The following RPIA variants were observed in gnomAD, a reference collection of about 807,000 sequenced individuals.
RPIA encodes the protein ribose-5-phosphate isomerase.
Under a neutral mutation model 37.8 loss-of-function variants are expected in RPIA, and 29 were observed. The ratio of observed to expected loss-of-function variants is 0.77; its 90% CI spans 0.57 to 1.05. RPIA has a LOEUF of 1.05. Among genes scored for constraint, RPIA ranks in the 50% least tolerant of loss-of-function variants. The pLI, the probability that RPIA is intolerant of heterozygous loss-of-function variation, is 0.00. For missense variants in RPIA, 385 were observed against 413.6 expected (o/e 0.93, Z 0.60); for synonymous variants, 167 against 157.0 (o/e 1.06, Z -0.48).
chr2:88,747,332 G>A (rs1274074705), intron 8 of RPIA, among the ~76,000 whole-genome samples: 3 of 152,196 alleles, frequency 2.0e-5, no homozygotes, highest in Non-Finnish European at 2.9e-5. Context: ...CTGAGATCTT[G>A]CCCCAGACTA....
intron 4 of RPIA, 137 bp from the exon 5 acceptor site, chr2:88,734,415 T>G: frequency 1.2e-6 from 1 of 814,320 alleles, no homozygotes; most frequent in Non-Finnish European, 2.1e-6. Context: ...TGTAGCTCAA[T>G]TTCTTGATTT....
In RPIA at chr2:88,735,793, C is replaced by T. The variant is rs772486089; in HGVS notation, c.596+56C>T. ...GAGGAGGTAGATTGGATCCCCAAGC[C>T]GCATCCCCATTTTTGTGAAAGAGGA... On this transcript the variant is annotated intron_variant, in intron 6 of 8. Transcript: ENST00000283646. 113 of 1,528,772 alleles carry T rather than the reference C, an allele frequency of 7.4e-5. 1 individual carries two copies. In the Middle Eastern group the frequency reaches 1.2e-3, roughly 16 times the overall value. The allele number at this position is 1,528,772 out of a possible 1,614,324, so 94.7% of individuals were successfully genotyped here.
At chr2:88,713,626 C>A (rs550421376) in intron 3 of RPIA, among the ~76,000 whole-genome samples, 1 of 152,326 alleles carries the variant, frequency 6.6e-6, no homozygotes, top group Non-Finnish European at 1.5e-5. Flanking sequence ...GCTGGGACAG[C>A]TCATCATGCG....
At chr2:88,735,127 A>C (rs1673299452) in intron 5 of RPIA, among the ~76,000 whole-genome samples, 1 of 152,234 alleles carries the variant, frequency 6.6e-6, no homozygotes, top group African/African-American at 2.4e-5. Context: ...CTATTGAGTG[A>C]TGCAGCATTT....
intron 7 of RPIA, 102 bp downstream of exon 7, chr2:88,736,778 C>T: frequency 7.3e-7 from 1 of 1,366,796 alleles, no homozygotes; most frequent in Non-Finnish European, 1.0e-6. Flanking sequence ...TTCCACCAGG[C>T]AATTGGCTTT....
intron 8 of RPIA, among the ~76,000 whole-genome samples, chr2:88,741,657 T>A (rs1380349640): frequency 1.3e-5 from 2 of 152,226 alleles, no homozygotes; most frequent in Non-Finnish European, 2.9e-5. Context: ...ATCTTCACAC[T>A]GTTTTCCACA....
intron 3 of RPIA, among the ~76,000 whole-genome samples, chr2:88,725,492 C>G (rs1345866012): frequency 6.9e-6 from 1 of 145,734 alleles, no homozygotes; most frequent in Non-Finnish European, 1.5e-5. Context: ...TGCTGATATC[C>G]TTTGGTGTTC....
At chr2:88,723,480 C>T (rs1673159278) in intron 3 of RPIA, among the ~76,000 whole-genome samples, 1 of 152,118 alleles carries the variant, frequency 6.6e-6, no homozygotes, top group Admixed American at 6.5e-5. Flanking sequence ...GGGAGTTCTA[C>T]AGCAAAATAA....
chr2:88,692,034 G>A (rs766060624), intron 1 of RPIA, 51 bp downstream of exon 1: 2 of 1,530,396 alleles, frequency 1.3e-6, no homozygotes, highest in Non-Finnish European at 1.8e-6. Context: ...GGCGTGATGG[G>A]CTACTGTTGC....
chr2:88,740,539 G>A (rs189934773), intron 8 of RPIA, among the ~76,000 whole-genome samples: 3 of 152,276 alleles, frequency 2.0e-5, no homozygotes, highest in African/African-American at 7.2e-5. Flanking sequence ...ATGTGCATTC[G>A]TACACAGTAT....
intron 3 of RPIA, among the ~76,000 whole-genome samples, chr2:88,709,972 A>G (rs1052588990): frequency 6.6e-6 from 1 of 151,924 alleles, no homozygotes; most frequent in Non-Finnish European, 1.5e-5. Flanking sequence ...TTGGGTCAGG[A>G]TTTTCTCTAA....
At chr2:88,743,678 T>C (rs1319822051) in intron 8 of RPIA, among the ~76,000 whole-genome samples, 2 of 152,176 alleles carry the variant, frequency 1.3e-5, no homozygotes, top group African/African-American at 4.8e-5. Context: ...CTTTTTTTGT[T>C]GGCAGTTTTT....
intron 3 of RPIA, among the ~76,000 whole-genome samples, chr2:88,720,900 A>G (rs1387993935): frequency 2.0e-5 from 3 of 152,206 alleles, no homozygotes; most frequent in Admixed American, 6.5e-5. Flanking sequence ...ACTGTACTAT[A>G]AAGACACATG....
intron 3 of RPIA, among the ~76,000 whole-genome samples, chr2:88,713,117 TA>T (rs1236096634): frequency 2.4e-4 from 25 of 102,938 alleles, no homozygotes; most frequent in African/African-American, 9.8e-4. Context: ...TATATATATA[TA>T]TATTTTTTTT....
intron 3 of RPIA, among the ~76,000 whole-genome samples, chr2:88,716,666 C>T (rs1232571247): frequency 6.6e-6 from 1 of 152,174 alleles, no homozygotes; most frequent in Non-Finnish European, 1.5e-5. Context: ...TTAAAATTCA[C>T]TTGTTCAGGT....
chr2:88,694,704 A>G (rs1309166372), intron 1 of RPIA, among the ~76,000 whole-genome samples: 2 of 151,946 alleles, frequency 1.3e-5, no homozygotes, highest in East Asian at 3.9e-4. Flanking sequence ...TTCTCTCCCC[A>G]ATGCTTTTCT....
chr2:88,697,818 G>C (rs776238016), intron 1 of RPIA, among the ~76,000 whole-genome samples: 1 of 152,172 alleles, frequency 6.6e-6, no homozygotes, highest in African/African-American at 2.4e-5. Flanking sequence ...CTAGGCAGAT[G>C]CTGACATACT....
chr2:88,722,493 A>T (rs1361713447), intron 3 of RPIA, among the ~76,000 whole-genome samples: 1 of 151,952 alleles, frequency 6.6e-6, no homozygotes, highest in Non-Finnish European at 1.5e-5. Context: ...TCCATTGCAA[A>T]ATTCGGAGAC....
chr2:88,698,299 G>A (rs1045695928), intron 1 of RPIA, among the ~76,000 whole-genome samples, 185 bp from the exon 2 acceptor site: 6 of 152,054 alleles, frequency 3.9e-5, no homozygotes, highest in Admixed American at 6.5e-5. Context: ...GTCCACCATG[G>A]ATTGGCTAAA....
Sources: gnomAD v4.1 joint callset for allele counts (sites outside exome capture counted in the v4.1 genomes callset) on GRCh38, gnomAD v4.1.1 for gene constraint, MANE v1.5 for transcripts, NCBI Gene and HGNC (gene_info 2026-07-23, HGNC 2026-07-21) for gene names.